The following MET variants were observed in gnomAD, a reference collection of about 807,000 sequenced individuals.
MET encodes the protein hepatocyte growth factor receptor.
MET carries 48 observed loss-of-function variants against 133.1 expected under a neutral mutation model. The ratio of observed to expected loss-of-function variants is 0.36; its 90% CI spans 0.29 to 0.46. The LOEUF (loss-of-function observed/expected upper bound fraction) is 0.46. Ranked by LOEUF, MET falls within the 20% of genes least tolerant of loss-of-function variation. The pLI is 1.00. For synonymous variants in MET, 628 were observed against 616.5 expected (o/e 1.02, Z -0.28); for missense variants, 1,442 against 1,695.9 (o/e 0.85, Z 2.63).
intron 1 of MET, among the ~76,000 whole-genome samples, chr7:116,674,673 C>A (rs1453838209): frequency 6.6e-6 from 1 of 152,186 alleles, no homozygotes; most frequent in African/African-American, 2.4e-5. Flanking sequence ...CATGGCAACA[C>A]CCCCATGGTG....
intron 10 of MET, chr7:116,759,730 A>G (rs945552393): frequency 8.0e-5 from 40 of 498,586 alleles, no homozygotes; most frequent in South Asian, 7.6e-4. Flanking sequence ...GACAAGAATG[A>G]AGATTACCAA....
chr7:116,787,679 C>G (rs1795359986), intron 19 of MET, among the ~76,000 whole-genome samples: 1 of 152,210 alleles, frequency 6.6e-6, no homozygotes. Flanking sequence ...CCTCTGAACA[C>G]TGTTGCATTG....
intron 2 of MET, among the ~76,000 whole-genome samples, chr7:116,717,785 C>T (rs970663779): frequency 6.6e-6 from 1 of 152,112 alleles, no homozygotes; most frequent in Non-Finnish European, 1.5e-5. Flanking sequence ...ATATCACATT[C>T]TTAATTACAC....
intron 5 of MET, among the ~76,000 whole-genome samples, chr7:116,744,787 A>G (rs1207633659): frequency 6.6e-6 from 1 of 152,184 alleles, no homozygotes. Context: ...GGGCAGCCGG[A>G]GAGAAAAGTC....
At chr7:116,783,976 A>G in intron 19 of MET, among the ~76,000 whole-genome samples, 1 of 152,210 alleles carries the variant, frequency 6.6e-6, no homozygotes, top group Non-Finnish European at 1.5e-5. Flanking sequence ...AAAGGCATGC[A>G]CCTGAGTGCT....
At chr7:116,756,501 T>C (rs1794182097) in intron 6 of MET, among the ~76,000 whole-genome samples, 2 of 152,164 alleles carry the variant, frequency 1.3e-5, no homozygotes, top group South Asian at 4.1e-4. Flanking sequence ...AAATCTCCCT[T>C]GTAAAATCTC....
chr7:116,770,667 C>T (rs1794803948), intron 12 of MET, among the ~76,000 whole-genome samples: 1 of 152,146 alleles, frequency 6.6e-6, no homozygotes, highest in African/African-American at 2.4e-5. Context: ...TGAGTGGAAT[C>T]ATACAATATT....
chr7:116,767,777 A>G (rs1322245914), intron 11 of MET, among the ~76,000 whole-genome samples: 1 of 150,784 alleles, frequency 6.6e-6, no homozygotes, highest in Non-Finnish European at 1.5e-5. Context: ...TATAATTAAT[A>G]GTAAAATTTC....
At chr7:116,771,359 C>T in intron 12 of MET, 139 bp from the exon 13 acceptor site, 1 of 935,724 alleles carries the variant, frequency 1.1e-6, no homozygotes, top group East Asian at 2.5e-5. Context: ...TGAGGAATCT[C>T]TTATTATCCT....
intron 2 of MET, among the ~76,000 whole-genome samples, chr7:116,719,428 A>G (rs1452257344): frequency 6.6e-6 from 1 of 151,994 alleles, no homozygotes; most frequent in Non-Finnish European, 1.5e-5. Flanking sequence ...ATTTTCTCCC[A>G]TTTTGTAGGT....
chr7:116,674,434 A>G (rs934993837), intron 1 of MET, among the ~76,000 whole-genome samples: 3 of 152,120 alleles, frequency 2.0e-5, no homozygotes, highest in Non-Finnish European at 2.9e-5. Flanking sequence ...TTAAAAAAAA[A>G]TTGTCTTAAT....
intron 12 of MET, among the ~76,000 whole-genome samples, chr7:116,770,473 A>T (rs1794796378): frequency 6.6e-6 from 1 of 152,172 alleles, no homozygotes; most frequent in Admixed American, 6.6e-5. Context: ...ATTAAGTTGC[A>T]TTAATTTCAT....
intron 2 of MET, among the ~76,000 whole-genome samples, chr7:116,714,367 T>C (rs1164997515): frequency 2.0e-5 from 3 of 152,224 alleles, no homozygotes; most frequent in Non-Finnish European, 4.4e-5. Context: ...ATACATAAAA[T>C]ATATTCTGCT....
chr7:116,688,939 C>T (rs1191975404), intron 1 of MET, among the ~76,000 whole-genome samples: 1 of 152,144 alleles, frequency 6.6e-6, no homozygotes, highest in Non-Finnish European at 1.5e-5. Context: ...ATCAAGAAAC[C>T]GTTTAGAGCA....
chr7:116,735,380 CTACT>C (rs1793174837), intron 3 of MET, among the ~76,000 whole-genome samples: 1 of 152,216 alleles, frequency 6.6e-6, no homozygotes, highest in Non-Finnish European at 1.5e-5. Flanking sequence ...CTTATGACCA[CTACT>C]TAAAGGACTG....
chr7:116,730,263 A>G (rs1422825655), intron 2 of MET, among the ~76,000 whole-genome samples: 1 of 152,202 alleles, frequency 6.6e-6, no homozygotes, highest in African/African-American at 2.4e-5. Flanking sequence ...AACACGTGAC[A>G]TATTTGGAGC....
chr7:116,723,114 TAC>T (rs1792568197), intron 2 of MET, among the ~76,000 whole-genome samples: 1 of 137,228 alleles, frequency 7.3e-6, no homozygotes, highest in South Asian at 2.7e-4. Context: ...CACTTTCAGG[TAC>T]ACCAATCAGA....
intron 19 of MET, among the ~76,000 whole-genome samples, chr7:116,790,071 C>T (rs552435121): frequency 1.3e-5 from 2 of 152,288 alleles, no homozygotes; most frequent in Admixed American, 6.5e-5. Flanking sequence ...TCTGTTCCTG[C>T]GTTAGTTTGC....
At chr7:116,788,887 A>C (rs1181749563) in intron 19 of MET, among the ~76,000 whole-genome samples, 1 of 152,202 alleles carries the variant, frequency 6.6e-6, no homozygotes, top group Admixed American at 6.5e-5. Flanking sequence ...CTTTAAGTCC[A>C]TTCAAACAAA....
Sources: gnomAD v4.1 joint callset for allele counts (sites outside exome capture counted in the v4.1 genomes callset) on GRCh38, gnomAD v4.1.1 for gene constraint, MANE v1.5 for transcripts, NCBI Gene and HGNC (gene_info 2026-07-23, HGNC 2026-07-21) for gene names.